The following SPTBN2 variants were observed in gnomAD, a reference collection of about 807,000 sequenced individuals.
SPTBN2 encodes spectrin beta chain, non-erythrocytic 2.
Under a neutral mutation model 284.2 loss-of-function variants are expected in SPTBN2, and 107 were observed. The observed-to-expected ratio is 0.38, with a 90% CI of 0.32 to 0.44. The LOEUF is 0.44. Among genes scored for constraint, SPTBN2 ranks in the 20% least tolerant of loss-of-function variants. The pLI, the probability that SPTBN2 is intolerant of heterozygous loss-of-function variation, is 1.00. For missense variants in SPTBN2, 2,569 were observed against 3,287.1 expected, an observed-to-expected ratio of 0.78 and a Z score of 5.34; for synonymous variants, 1,289 against 1,354.8, an observed-to-expected ratio of 0.95 and a Z score of 1.07.
At chr11:66,727,994 C>G (rs988661695) in intron 1 of SPTBN2, 6 of 149,086 alleles carry the variant, frequency 4.0e-5, no homozygotes, top group African/African-American at 1.5e-4. Flanking sequence ...ACCTGTGTGG[C>G]TGGCACGGGA....
rs1243304189 is a variant in SPTBN2 at position 66,693,375 on chromosome 11, A to C, written c.4665T>G (p.Gly1555=). ...ADLRERQRAL[G]AAAAGPELAE... Reference sequence around the variant, plus strand: ...CCAGCTCTGGACCTGCTGCTGCTGCACCTAGAGCACGCTGCCGCTCCCTCA... The same window carrying C: ...CCAGCTCTGGACCTGCTGCTGCTGCCCCTAGAGCACGCTGCCGCTCCCTCA... Residue 1555 remains glycine (G), a synonymous_variant, in exon 24 of 38, where the codon GGT becomes GGG. Coordinates refer to ENST00000533211, the MANE Select transcript of SPTBN2 (RefSeq NM_006946.4). The surrounding 1 kb of genome is among the most constrained non-coding windows in gnomAD (Gnocchi z 5.7). The C allele has an allele frequency of 1.2e-6, 2 of 1,603,326 alleles. No individual in the cohort carries two copies. Among genetic ancestry groups the C allele is most frequent in the Admixed American group, 1.7e-5 (1 of 60,008 alleles).
intron 21 of SPTBN2, 138 bp downstream of exon 21, chr11:66,696,139 C>T: frequency 3.6e-6 from 4 of 1,125,312 alleles, no homozygotes; most frequent in Non-Finnish European, 5.2e-6. Context: ...GATTCTGATA[C>T]TGGCTGCCCA....
At chr11:66,713,387 G>C (rs1941980219) in intron 8 of SPTBN2, among the ~76,000 whole-genome samples, 1 of 152,100 alleles carries the variant, frequency 6.6e-6, no homozygotes, top group East Asian at 1.9e-4. Context: ...CTAGGCTCAA[G>C]TGATCCTCCT....
At chr11:66,697,128 T>C (rs1044690059) in intron 20 of SPTBN2, among the ~76,000 whole-genome samples, 1 of 152,088 alleles carries the variant, frequency 6.6e-6, no homozygotes, top group African/African-American at 2.4e-5. Context: ...GTGAGAGTGC[T>C]GTGTTCTGTG....
intron 31 of SPTBN2, among the ~76,000 whole-genome samples, 153 bp downstream of exon 31, chr11:66,688,500 C>T (rs1023037711): frequency 1.3e-5 from 2 of 152,008 alleles, no homozygotes; most frequent in Non-Finnish European, 2.9e-5. Flanking sequence ...GGAACTGACA[C>T]CTCCTAAAGG....
intron 1 of SPTBN2, among the ~76,000 whole-genome samples, chr11:66,739,674 T>A (rs960407826): frequency 2.6e-5 from 4 of 152,228 alleles, no homozygotes; most frequent in African/African-American, 9.6e-5. Context: ...CAAAGAATAC[T>A]TCTCTTCCAG....
chr11:66,694,413 A>G lies in SPTBN2; in HGVS notation c.4279-50T>C, dbSNP rs764199855. ...ATGTTAGCTCTGCATTTCCGCCTTC[A>G]TGCCCAGCAGAGACACCAACCAGTC... is the stretch of plus-strand genomic sequence containing the variant. On this transcript the variant is annotated intron_variant, in intron 21 of 37. Coordinates refer to ENST00000533211, the MANE Select transcript of SPTBN2 (RefSeq NM_006946.4). The G allele has an allele frequency of 2.5e-6, 4 of 1,578,328 alleles. No individual in the cohort carries two copies. The East Asian group carries it at 9.2e-5, about 36-fold the overall frequency.
intron 1 of SPTBN2, among the ~76,000 whole-genome samples, chr11:66,734,319 A>C (rs1471191967): frequency 6.6e-6 from 1 of 152,078 alleles, no homozygotes; most frequent in Non-Finnish European, 1.5e-5. Flanking sequence ...CAGACAGATC[A>C]TTCCTCTTCT....
chr11:66,714,518 G>A, intron 5 of SPTBN2, 111 bp from the exon 6 acceptor site: 1 of 957,928 alleles, frequency 1.0e-6, no homozygotes, highest in East Asian at 2.5e-5. Flanking sequence ...GTAATGGGGT[G>A]GACAGGCATA....
intron 21 of SPTBN2, among the ~76,000 whole-genome samples, chr11:66,695,235 T>C (rs1380457946): frequency 6.6e-6 from 1 of 152,216 alleles, no homozygotes; most frequent in Non-Finnish European, 1.5e-5. Flanking sequence ...TATAAAGTTT[T>C]TATTGGACCA....
At position 66,700,594 on chromosome 11, in the gene SPTBN2, C is replaced by G; in HGVS notation, c.3505G>C (p.Ala1169Pro). The change falls in exon 17 of 38, where the codon GCC becomes CCC. Residue 1169 changes from alanine (A) to proline (P), a missense_variant. Transcript: ENST00000533211. This position sits in a 1 kb window ranked among gnomAD's most constrained non-coding sequence, Gnocchi z 6.6. ...RMWESRQGRL[A>P]QAHGFQGFLR... The stretch of plus-strand genomic sequence containing the variant: ...AATCCCTGGAAGCCGTGGGCCTGGG[C>G]CAGGCGACCTTGCCGGCTCTCCCAC... 1 of 1,607,920 alleles carries G rather than the reference C, an allele frequency of 6.2e-7. No homozygotes were observed. Among genetic ancestry groups the G allele is most frequent in the Non-Finnish European group, 8.5e-7 (1 of 1,179,992 alleles).
In SPTBN2 at chr11:66,705,470, T is replaced by C; in HGVS notation, c.1808-2A>G. The C allele has an allele frequency of 6.2e-7, 1 of 1,613,012 alleles. No individual in the cohort carries two copies. The stretch of plus-strand genomic sequence containing the variant: ...GCTGCGGGTCGCAAGGTCTATACTC[T>C]GAGAAAGTCACAGGAGAGGGTCAGA... On this transcript the variant is annotated splice_acceptor_variant, in intron 14 of 37. Coordinates refer to ENST00000533211, the MANE Select transcript of SPTBN2 (RefSeq NM_006946.4). LOFTEE classifies it high-confidence loss of function.
At chr11:66,716,834 T>C (rs1942173132) in intron 3 of SPTBN2, among the ~76,000 whole-genome samples, 1 of 152,162 alleles carries the variant, frequency 6.6e-6, no homozygotes, top group Non-Finnish European at 1.5e-5. Context: ...GAGGTATGGC[T>C]GTTCTCTTTT....
chr11:66,730,630 G>A (rs946411494), upstream of SPTBN2, among the ~76,000 whole-genome samples: 2 of 151,980 alleles, frequency 1.3e-5, no homozygotes, highest in Non-Finnish European at 2.9e-5. Flanking sequence ...CAAAGGAACT[G>A]GAACCACCAA....
At chr11:66,695,877 CAG>C (rs1940879900) in intron 21 of SPTBN2, among the ~76,000 whole-genome samples, 1 of 151,934 alleles carries the variant, frequency 6.6e-6, no homozygotes, top group Non-Finnish European at 1.5e-5. Context: ...GCTGGGATAA[CAG>C]GCGTGCGCCA....
Position 66,685,004 on chromosome 11 carries a change from A to G in SPTBN2, c.*867T>C, listed in dbSNP as rs1255143760. Among the ~76,000 whole-genome samples, 1 of 152,212 alleles carries G rather than the reference A, an allele frequency of 6.6e-6. No individual in the cohort carries two copies. The highest frequency in any genetic ancestry group is 6.5e-5 in the Admixed American group (1 of 15,278). Reference sequence around the variant, plus strand: ...TTTTTAACATGAATACTGCTTGTTGACATCATCCCAACCCATGGTGAACTA... The same window carrying G: ...TTTTTAACATGAATACTGCTTGTTGGCATCATCCCAACCCATGGTGAACTA... On this transcript the variant is annotated 3_prime_UTR_variant, in exon 38 of 38. Transcript: ENST00000533211. The surrounding 1 kb of genome is among the most constrained non-coding windows in gnomAD (Gnocchi z 4.4).
In SPTBN2 at chr11:66,718,204, C is replaced by T. The variant is rs1942231898; in HGVS notation, c.158-2223G>A. Among the ~76,000 whole-genome samples, 1 of 152,226 alleles carries T rather than the reference C, an allele frequency of 6.6e-6. No individual in the cohort carries two copies. The highest frequency in any genetic ancestry group is 2.4e-5 in the African/African-American group (1 of 41,466). ...CCCAAGGCCCGGCAGTCACACCCAC[C>T]CATGCCATCATACACGGTCCCTGCC... On this transcript the variant is annotated intron_variant, in intron 3 of 37. Coordinates refer to ENST00000533211, the MANE Select transcript of SPTBN2 (RefSeq NM_006946.4). This position sits in a 1 kb window ranked among gnomAD's most constrained non-coding sequence, Gnocchi z 4.8.
rs1348356198 is a variant in SPTBN2 at position 66,718,579 on chromosome 11, C to A, written c.157+2505G>T. ...CATAGTAAAACTCGCTGGCCTCATG[C>A]AGGCCGTTCCCGTGCACCCTGCTCA... On this transcript the variant is annotated intron_variant, in intron 3 of 37. Transcript: ENST00000533211. The surrounding 1 kb of genome is among the most constrained non-coding windows in gnomAD (Gnocchi z 4.8). Among the ~76,000 whole-genome samples the A allele has an allele frequency of 6.6e-6, 1 of 152,216 alleles. No individual in the cohort carries two copies. Among genetic ancestry groups the A allele is most frequent in the Non-Finnish European group, 1.5e-5 (1 of 68,028 alleles).
chr11:66,694,289 C>A lies in SPTBN2; in HGVS notation c.4353G>T (p.Gln1451His). Residue 1451 changes from glutamine (Q) to histidine (H), a missense_variant, in exon 22 of 38, where the codon CAG becomes CAT. Coordinates refer to ENST00000533211, the MANE Select transcript of SPTBN2 (RefSeq NM_006946.4). ...AIQAQAKALA[Q>H]EDQGAGEVER... is the part of the protein sequence containing the mutation. ...CCACCTCCCCTGCACCCTGGTCCTC[C>A]TGGGCCAGTGCTTTGGCCTGGGCCT... 1 of 1,614,240 alleles carries A rather than the reference C, an allele frequency of 6.2e-7. No homozygotes were observed. The highest frequency in any genetic ancestry group is 1.1e-5 in the South Asian group (1 of 91,088).
Sources: gnomAD v4.1 joint callset for allele counts (sites outside exome capture counted in the v4.1 genomes callset) on GRCh38, gnomAD v4.1.1 for gene constraint, Gnocchi (gnomAD v3.1) non-coding constraint, MANE v1.5 for transcripts, NCBI Gene and HGNC (gene_info 2026-07-23, HGNC 2026-07-21) for gene names.